DCAF5: variants seen among roughly 807,000 people sequenced by gnomAD.
The protein encoded by DCAF5 is DDB1 and CUL4 associated factor 5.
DCAF5 carries 9 observed loss-of-function variants against 80.7 expected under a neutral mutation model. That is an observed-to-expected ratio of 0.11 (90% confidence interval 0.07 to 0.19). DCAF5 has a LOEUF of 0.19. Ranked by LOEUF, DCAF5 falls within the 10% of genes least tolerant of loss-of-function variation. The pLI is 1.00. For synonymous variants in DCAF5, 433 were observed against 461.9 expected, an observed-to-expected ratio of 0.94 and a Z score of 0.80; for missense variants, 842 against 1,205.7, an observed-to-expected ratio of 0.70 and a Z score of 4.47.
chr14:69,114,162 G>A (rs756777607), intron 5 of DCAF5, among the ~76,000 whole-genome samples: 55 of 152,178 alleles, frequency 3.6e-4, no homozygotes, highest in Non-Finnish European at 7.1e-4. Context: ...CTTTGGTGGT[G>A]GGGCTACAAT....
At position 69,055,069 on chromosome 14, in the gene DCAF5, C is replaced by A. The variant is rs141468073; in HGVS notation, c.1617G>T (p.Glu539Asp). 6.2e-7 allele frequency: 1 copy of A among 1,614,066 alleles called. No individual in the cohort carries two copies. Among genetic ancestry groups the A allele is most frequent in the Non-Finnish European group, 8.5e-7 (1 of 1,180,026 alleles). ...GAAAGAGATCTGTGTCTAGTTCCAC[C>A]TCACAGACATTCTCCTCAGAATCGG... ...NESDSEENVC[E>D]VELDTDLFPR... The change falls in exon 9 of 9, where the codon GAG becomes GAT. Residue 539 changes from glutamate (E) to aspartate (D), a missense_variant. By Grantham distance (45) the Glu-to-Asp change is conservative. Transcript: ENST00000341516. The surrounding 1 kb of genome is among the most constrained non-coding windows in gnomAD (Gnocchi z 5.6).
At position 69,055,570 on chromosome 14, in the gene DCAF5, G is replaced by A. The variant is rs762933242; in HGVS notation, c.1116C>T (p.Leu372=). Residue 372 remains leucine (L), a synonymous_variant, in exon 9 of 9, where the codon CTC becomes CTT. Coordinates refer to ENST00000341516, the MANE Select transcript of DCAF5 (RefSeq NM_003861.3). The surrounding 1 kb of genome is among the most constrained non-coding windows in gnomAD (Gnocchi z 5.6). ...PYKQPGCTGD[L]DGRIEDDSRC... is the part of the protein sequence containing the mutation. ...GGGAATCGTCCTCAATCCGACCGTC[G>A]AGGTCTCCAGTACATCCTGGCTGCT... 4.1e-5 allele frequency: 66 copies of A among 1,610,298 alleles called. No homozygotes were observed. In the East Asian group the frequency reaches 1.3e-3, roughly 33 times the overall value.
At chr14:69,075,270 T>G (rs1037111997) in intron 7 of DCAF5, 75 bp downstream of exon 7, 3 of 1,173,860 alleles carry the variant, frequency 2.6e-6, no homozygotes, top group African/African-American at 1.5e-5. Context: ...TAAAGATCTG[T>G]CCCCTCAGGG....
intron 5 of DCAF5, among the ~76,000 whole-genome samples, chr14:69,110,876 CAAAAAAAAAAAAAAA>C (rs35812611): frequency 0.022 from 995 of 45,600 alleles, 24 homozygotes; most frequent in African/African-American, 0.096. Flanking sequence ...GACCCTGTCT[CAAAAAAAAAAAAAAA>C]AAAAAAAAAA....
At chr14:69,056,251 T>C (rs2037966075) in intron 8 of DCAF5, among the ~76,000 whole-genome samples, 1 of 152,222 alleles carries the variant, frequency 6.6e-6, no homozygotes, top group Admixed American at 6.5e-5. Context: ...CCCAGGAAAC[T>C]GGGTTCTCTT....
Position 69,152,729 on chromosome 14 carries a change from C to T in DCAF5, c.214+36G>A. Reference sequence around the variant, plus strand: ...GCGAGAGGGGGAGGCTGGGAGGGTGCGGGGAGGCGCGGGGAGGGGAAGGGG... The same window carrying T: ...GCGAGAGGGGGAGGCTGGGAGGGTGTGGGGAGGCGCGGGGAGGGGAAGGGG... On this transcript the variant is annotated intron_variant, in intron 1 of 8. Coordinates refer to ENST00000341516, the MANE Select transcript of DCAF5 (RefSeq NM_003861.3). The surrounding 1 kb of genome is among the most constrained non-coding windows in gnomAD (Gnocchi z 4.1). The T allele has an allele frequency of 1.4e-6, 2 of 1,418,788 alleles. No individual in the cohort carries two copies. The highest frequency in any genetic ancestry group is 1.9e-6 in the Non-Finnish European group (2 of 1,065,142). 87.9% of individuals were successfully genotyped at this position (1,418,788 alleles called of 1,614,324 possible).
chr14:69,138,891 AT>A (rs1226048794), intron 1 of DCAF5, among the ~76,000 whole-genome samples: 5 of 152,182 alleles, frequency 3.3e-5, no homozygotes, highest in Non-Finnish European at 5.9e-5. Context: ...CATACCTGTA[AT>A]CCCAGCACTC....
intron 6 of DCAF5, among the ~76,000 whole-genome samples, chr14:69,075,690 G>A (rs2038872105): frequency 6.6e-6 from 1 of 152,050 alleles, no homozygotes; most frequent in Admixed American, 6.6e-5. Context: ...CACCATGTTG[G>A]CCAGGCTGGT....
chr14:69,111,821 G>A (rs528349666), intron 5 of DCAF5, among the ~76,000 whole-genome samples: 17 of 152,108 alleles, frequency 1.1e-4, no homozygotes, highest in Admixed American at 4.6e-4. Context: ...AGTGTGAAAT[G>A]TTTTTTTATC....
intron 1 of DCAF5, among the ~76,000 whole-genome samples, chr14:69,150,858 G>A (rs2041680612): frequency 6.6e-6 from 1 of 152,074 alleles, no homozygotes; most frequent in Non-Finnish European, 1.5e-5. Context: ...ATAGCCCACT[G>A]CACTCCAGCC....
At chr14:69,141,490 C>T (rs1375161722) in intron 1 of DCAF5, among the ~76,000 whole-genome samples, 1 of 152,148 alleles carries the variant, frequency 6.6e-6, no homozygotes, top group African/African-American at 2.4e-5. Flanking sequence ...TCTCCTAATG[C>T]TATCCCTCCC....
At chr14:69,086,089 G>T (rs1188961058) in intron 6 of DCAF5, among the ~76,000 whole-genome samples, 1 of 152,220 alleles carries the variant, frequency 6.6e-6, no homozygotes. Context: ...GGGCATTGTG[G>T]TTCATGCCTG....
intron 1 of DCAF5, among the ~76,000 whole-genome samples, chr14:69,147,812 T>C (rs1384043168): frequency 6.6e-6 from 1 of 152,294 alleles, no homozygotes; most frequent in East Asian, 1.9e-4. Context: ...TATTTAGTCA[T>C]AAGCACACAA....
chr14:69,054,254 T>C lies in DCAF5; in HGVS notation c.2432A>G (p.Asn811Ser), dbSNP rs2037864187. The C allele has an allele frequency of 6.2e-7, 1 of 1,614,236 alleles. No homozygotes were observed. The highest frequency in any genetic ancestry group is 2.2e-5 in the East Asian group (1 of 44,884). Residue 811 changes from asparagine to serine, a missense_variant, in exon 9 of 9, where the codon AAC becomes AGC. Asn to Ser is a conservative substitution (Grantham distance 46, BLOSUM62 1). Around this residue, in one of 5 missense-constraint regions of DCAF5, gnomAD observed 607 missense variants for 656.6 expected, o/e 0.92. Coordinates refer to ENST00000341516, the MANE Select transcript of DCAF5 (RefSeq NM_003861.3). ...SGSTLNSGSGNCPRTQSDDSE... is the reference protein window; with the variant it reads ...SGSTLNSGSGSCPRTQSDDSE... The stretch of plus-strand genomic sequence containing the variant: ...GTCATCAGACTGGGTCCTGGGACAG[T>C]TGCCAGACCCGCTGTTGAGAGTGGA...
chr14:69,095,674 C>A (rs1481924319), intron 5 of DCAF5, among the ~76,000 whole-genome samples: 2 of 152,186 alleles, frequency 1.3e-5, no homozygotes, highest in African/African-American at 2.4e-5. Context: ...CAGGCCAAGG[C>A]TGTTTCCAGG....
rs565333182 is a variant in DCAF5 at position 69,122,326 on chromosome 14, C to T, written c.249G>A (p.Met83Ile). The change falls in exon 2 of 9, where the codon ATG becomes ATA. Residue 83 changes from methionine to isoleucine, a missense_variant. Met to Ile is a conservative substitution (Grantham distance 10). Coordinates refer to ENST00000341516, the MANE Select transcript of DCAF5 (RefSeq NM_003861.3). ...GDDRRVLLWH[M>I]EQAIHSRVKP... is the part of the protein sequence containing the mutation. ...TGACCCTGGAGTGGATGGCTTGTTC[C>T]ATGTGCCATAGCAGAACCCGGCGGT... The T allele has an allele frequency of 1.9e-6, 3 of 1,613,362 alleles. No homozygotes were observed. In the South Asian group the frequency reaches 3.3e-5, roughly 18 times the overall value.
intron 8 of DCAF5, among the ~76,000 whole-genome samples, chr14:69,058,124 T>C (rs2038047044): frequency 6.6e-6 from 1 of 152,202 alleles, no homozygotes; most frequent in African/African-American, 2.4e-5. Flanking sequence ...TCCTTAGTAT[T>C]AATATATAAA....
chr14:69,113,214 G>A (rs1352813316), intron 5 of DCAF5, among the ~76,000 whole-genome samples: 1 of 152,130 alleles, frequency 6.6e-6, no homozygotes, highest in Non-Finnish European at 1.5e-5. Context: ...TGTTCAGGGT[G>A]AGACCTTCAT....
chr14:69,095,299 G>A (rs1401591777), intron 5 of DCAF5, among the ~76,000 whole-genome samples: 1 of 152,094 alleles, frequency 6.6e-6, no homozygotes, highest in Non-Finnish European at 1.5e-5. Flanking sequence ...TATATTGAAA[G>A]AACTAGTAAA....
Sources: allele counts gnomAD v4.1 joint callset (sites outside exome capture counted in the v4.1 genomes callset), GRCh38; gene constraint gnomAD v4.1.1; regional missense constraint gnomAD v4.1.1; non-coding constraint Gnocchi (gnomAD v3.1); transcripts MANE v1.5; gene names NCBI Gene and HGNC (gene_info 2026-07-23, HGNC 2026-07-21).